The following RIMKLB variants were observed in gnomAD, a reference collection of about 807,000 sequenced individuals.
RIMKLB encodes ribosomal modification protein rimK like family member B.
A neutral mutation model predicts 32.0 loss-of-function variants in RIMKLB; 7 were observed. That is an observed-to-expected ratio of 0.22 (90% CI 0.12 to 0.41). The LOEUF (loss-of-function observed/expected upper bound fraction) is 0.41. RIMKLB is among the 10% of genes least tolerant of loss of function. The probability of loss-of-function intolerance (pLI) is 1.00; values close to 1 mark genes in which losing one functional copy is unlikely to be tolerated. For missense variants in RIMKLB, 289 were observed against 498.7 expected, an observed-to-expected ratio of 0.58 and a Z score of 4.00; for synonymous variants, 172 against 185.1, an observed-to-expected ratio of 0.93 and a Z score of 0.57.
rs760094002 is a variant in RIMKLB at position 8,713,817 on chromosome 12, G to A, written c.-50G>A. The stretch of plus-strand genomic sequence containing the variant: ...TATTTTTTCTTCCATCTAGGTAGAC[G>A]TTACATCCAAGAGGAAATAATCCAG... On this transcript the variant is annotated 5_prime_UTR_variant, in exon 2 of 6. Coordinates refer to ENST00000535829, the MANE Select transcript of RIMKLB (RefSeq NM_001297776.2). The A allele has an allele frequency of 2.8e-5, 44 of 1,586,910 alleles. No individual in the cohort carries two copies. Among genetic ancestry groups the A allele is most frequent in the Non-Finnish European group, 3.4e-5 (39 of 1,155,398 alleles).
At chr12:8,705,988 A>G (rs1943841110) in intron 1 of RIMKLB, among the ~76,000 whole-genome samples, 1 of 152,200 alleles carries the variant, frequency 6.6e-6, no homozygotes, top group South Asian at 2.1e-4. Context: ...TTAGATGTTA[A>G]TCACGTATAG....
At position 8,711,892 on chromosome 12, in the gene RIMKLB, A is replaced by G. The variant is rs997377828; in HGVS notation, c.-56-1919A>G. ...TCAGGGACACACTGTGGCCTTCCCTATGATTGTCCGCAGGGAAGAGACCGA... is the reference window on the plus strand; with the variant it reads ...TCAGGGACACACTGTGGCCTTCCCTGTGATTGTCCGCAGGGAAGAGACCGA... On this transcript the variant is annotated intron_variant, in intron 1 of 5. Transcript: ENST00000535829. Among the ~76,000 whole-genome samples, 3 of 152,148 alleles carry G rather than the reference A, an allele frequency of 2.0e-5. No homozygotes were observed. The South Asian group carries it at 6.2e-4, about 32-fold the overall frequency.
intron 1 of RIMKLB, among the ~76,000 whole-genome samples, chr12:8,704,335 A>G (rs1943660691): frequency 6.6e-6 from 1 of 151,948 alleles, no homozygotes; most frequent in South Asian, 2.1e-4. Context: ...GTGAGCCAAG[A>G]TCACACCATT....
At chr12:8,779,995 C>T (rs1371680221), downstream of RIMKLB, 1 of 152,144 alleles carries the variant, frequency 6.6e-6, no homozygotes, top group East Asian at 1.9e-4. Flanking sequence ...ATACCCACTG[C>T]TTATATGGGC....
rs1033856573 is a variant in RIMKLB at position 8,752,061 on chromosome 12, G to A, written c.493+18G>A. 5 of 1,487,476 alleles carry A rather than the reference G, an allele frequency of 3.4e-6. No homozygotes were observed. In the African/African-American group the frequency reaches 5.5e-5, roughly 16 times the overall value. The allele number at this position is 1,487,476 out of a possible 1,614,324, so 92.1% of individuals were successfully genotyped here. A position where few individuals can be genotyped will look rare whatever the true frequency, so the allele number is the denominator to read the frequency against. On this transcript the variant is annotated intron_variant, in intron 4 of 5. Coordinates refer to ENST00000535829, the MANE Select transcript of RIMKLB (RefSeq NM_001297776.2). ...TCACAGAGGTATGTATGAGTTGTTG[G>A]TAAGGTATATAGTTTTGAAACTATT...
At chr12:8,690,172 T>C (rs750983227) in intron 1 of RIMKLB, among the ~76,000 whole-genome samples, 24 of 152,294 alleles carry the variant, frequency 1.6e-4, no homozygotes, top group African/African-American at 5.5e-4. Context: ...AAAGCATAAT[T>C]GATAAAAAGA....
At chr12:8,755,549 T>C (rs1253837525) in intron 5 of RIMKLB, among the ~76,000 whole-genome samples, 4 of 152,164 alleles carry the variant, frequency 2.6e-5, no homozygotes, top group Admixed American at 2.6e-4. Flanking sequence ...AATCTGACCA[T>C]TTTTTACCAT....
chr12:8,706,507 A>G (rs1298572218), intron 1 of RIMKLB, among the ~76,000 whole-genome samples: 1 of 149,588 alleles, frequency 6.7e-6, no homozygotes. Context: ...CTGGAGTGCA[A>G]TGGCACAATC....
Position 8,777,133 on chromosome 12 carries a change from T to C in RIMKLB, c.*3349T>C. The C allele has an allele frequency of 2.0e-6, 2 of 985,214 alleles. No individual in the cohort carries two copies. The highest frequency in any genetic ancestry group is 2.4e-6 in the Non-Finnish European group (2 of 829,468). The allele number at this position is 985,214 out of a possible 1,614,324, so 61.0% of individuals were successfully genotyped here. ...TTGTTTGTTCAATTTTATTTAAGAT[T>C]TGTTTTTGTTGTACTAGGATTTTAA... On this transcript the variant is annotated 3_prime_UTR_variant, in exon 6 of 6. Transcript: ENST00000535829.
intron 5 of RIMKLB, among the ~76,000 whole-genome samples, chr12:8,762,942 AT>A (rs1565414798): frequency 6.6e-6 from 1 of 151,974 alleles, no homozygotes; most frequent in Non-Finnish European, 1.5e-5. Context: ...TCTTTTTTTT[AT>A]TGTCTGGAAG....
At chr12:8,726,108 A>G (rs1054679240) in intron 2 of RIMKLB, among the ~76,000 whole-genome samples, 1 of 152,326 alleles carries the variant, frequency 6.6e-6, no homozygotes, top group Middle Eastern at 3.4e-3. Context: ...TCAGCATCCC[A>G]TGGTGCTGGG....
upstream of RIMKLB, among the ~76,000 whole-genome samples, chr12:8,693,958 A>G (rs1942807912): frequency 6.6e-6 from 1 of 152,088 alleles, no homozygotes; most frequent in Non-Finnish European, 1.5e-5. Context: ...AAATAGAGAC[A>G]GGGGCCAGGT....
At chr12:8,729,701 C>T (rs1254028974) in intron 2 of RIMKLB, among the ~76,000 whole-genome samples, 2 of 152,148 alleles carry the variant, frequency 1.3e-5, no homozygotes, top group African/African-American at 4.8e-5. Flanking sequence ...TTCCCTGCCT[C>T]CTGTCCCTAT....
upstream of RIMKLB, among the ~76,000 whole-genome samples, chr12:8,678,404 C>T (rs1009275938): frequency 1.3e-5 from 2 of 151,698 alleles, no homozygotes; most frequent in East Asian, 1.9e-4. Flanking sequence ...GATCTTGGCT[C>T]ACCGCATCCT....
At chr12:8,704,987 C>CAG (rs960085898) in intron 1 of RIMKLB, among the ~76,000 whole-genome samples, 1 of 151,896 alleles carries the variant, frequency 6.6e-6, no homozygotes, top group Non-Finnish European at 1.5e-5. Flanking sequence ...CACACACACA[C>CAG]ACACACACAC....
rs766661634 is a variant in RIMKLB, at chr12:8,766,520, TAG to T, written c.698-6798_698-6797del. Among the ~76,000 whole-genome samples the T allele has an allele frequency of 3.3e-4, 51 of 152,306 alleles. 1 individual carries two copies. The highest frequency in any genetic ancestry group is 3.4e-3 in the Middle Eastern group (1 of 294). ...GTAACCTTTTGAGTCGGGATTGAGA[TAG>T]AGTCTTTTTGATTCTGTAAGTACTT... On this transcript the variant is annotated intron_variant, in intron 5 of 5. Transcript: ENST00000535829.
upstream of RIMKLB, among the ~76,000 whole-genome samples, chr12:8,680,200 C>T (rs767811567): frequency 2.2e-4 from 34 of 152,184 alleles, no homozygotes; most frequent in Non-Finnish European, 4.4e-4. Context: ...CTGATGCCCA[C>T]GCTGGAGCGC....
At chr12:8,723,823 T>TTG (rs1945714595) in intron 2 of RIMKLB, among the ~76,000 whole-genome samples, 1 of 144,644 alleles carries the variant, frequency 6.9e-6, no homozygotes, top group South Asian at 2.3e-4. Flanking sequence ...TTTTTTTTTT[T>TTG]TTTTTGGAGA....
Position 8,698,204 on chromosome 12 carries a change from TC to T in RIMKLB, c.-145del. On this transcript the variant is annotated 5_prime_UTR_variant, in exon 1 of 6. Coordinates refer to ENST00000535829, the MANE Select transcript of RIMKLB (RefSeq NM_001297776.2). ...CCCGACCCCCTCCCCCTCCTCTCCT[TC>T]CCCCACTTCCAGCCGCCCGGCGGCC... 2.7e-6 allele frequency: 1 copy of T among 365,994 alleles called. No homozygotes were observed. 22.7% of individuals were successfully genotyped at this position (365,994 alleles called of 1,614,324 possible).
Sources: allele counts gnomAD v4.1 joint callset (sites outside exome capture counted in the v4.1 genomes callset), GRCh38; gene constraint gnomAD v4.1.1; transcripts MANE v1.5; gene names NCBI Gene and HGNC (gene_info 2026-07-23, HGNC 2026-07-21).